KCTD1: variants seen among roughly 807,000 people sequenced by gnomAD.
The protein encoded by KCTD1 is potassium channel tetramerization domain containing 1, also known as BTB/POZ domain-containing protein KCTD1.
KCTD1 carries 24 observed loss-of-function variants against 66.0 expected under a neutral mutation model. That is an observed-to-expected ratio of 0.36 (90% CI 0.26 to 0.51). The LOEUF (loss-of-function observed/expected upper bound fraction) is 0.51. KCTD1 is among the 20% of genes least tolerant of loss of function. The probability of loss-of-function intolerance (pLI) is 0.95; values close to 1 mark genes in which losing one functional copy is unlikely to be tolerated. For synonymous variants in KCTD1, 511 were observed against 517.2 expected, an observed-to-expected ratio of 0.99 and a Z score of 0.16; for missense variants, 943 against 1,205.2, an observed-to-expected ratio of 0.78 and a Z score of 3.22.
intron 1 of KCTD1, among the ~76,000 whole-genome samples, chr18:26,636,001 G>A (rs561815882): frequency 6.6e-6 from 1 of 152,180 alleles, no homozygotes; most frequent in African/African-American, 2.4e-5. Context: ...GGGTGTGGGA[G>A]GGGTTGTTAT....
In KCTD1 at chr18:26,547,731, T is replaced by C; in HGVS notation, c.806A>G (p.Lys269Arg). 1.9e-6 allele frequency: 3 copies of C among 1,547,062 alleles called. No homozygotes were observed. The highest frequency in any genetic ancestry group is 2.6e-6 in the Non-Finnish European group (3 of 1,146,718). Residue 269 changes from lysine to arginine, a missense_variant, in exon 1 of 5, where the codon AAG (lysine) becomes AGG (arginine). By Grantham distance (26) the Lys-to-Arg change is conservative (BLOSUM62 2). Coordinates refer to ENST00000580059, the MANE Select transcript of KCTD1 (RefSeq NM_001142730.3). ...ANLTLAAVIR[K>R]LEEQGAGPVV... ...CGGCCCGGCGCCCTGCTCCTCGAGC[T>C]TGCGGATGACCGCGGCCAGCGTCAG...
At chr18:26,639,175 C>T (rs1283351314) in intron 1 of KCTD1, among the ~76,000 whole-genome samples, 1 of 152,156 alleles carries the variant, frequency 6.6e-6, no homozygotes, top group Non-Finnish European at 1.5e-5. Context: ...ACAGGGGTCT[C>T]ATTGAGCAGT....
At chr18:26,486,058 C>T (rs988756785) in intron 2 of KCTD1, among the ~76,000 whole-genome samples, 1 of 151,546 alleles carries the variant, frequency 6.6e-6, no homozygotes, top group African/African-American at 2.4e-5. Flanking sequence ...AGATTACAGG[C>T]GTGCGCCACT....
Position 26,546,742 on chromosome 18 carries a change from C to A in KCTD1, c.1795G>T (p.Val599Phe). The change falls in exon 1 of 5, where the codon GTT becomes TTT. Residue 599 changes from valine (V) to phenylalanine (F), a missense_variant. By Grantham distance (50) the Val-to-Phe change is conservative. Transcript: ENST00000580059. ...GGTTTGGTTACCTGGGTGGGGGAAA[C>A]AATAGCAGGTGAAACTATTGTGGGA... ...NSPTIVSPAI[V>F]SPTQDSRPNM... 1 of 1,548,956 alleles carries A rather than the reference C, an allele frequency of 6.5e-7. No individual in the cohort carries two copies. Among genetic ancestry groups the A allele is most frequent in the Non-Finnish European group, 8.7e-7 (1 of 1,146,022 alleles).
chr18:26,595,003 C>G (rs1986734467), intron 1 of KCTD1, among the ~76,000 whole-genome samples: 1 of 152,074 alleles, frequency 6.6e-6, no homozygotes, highest in Non-Finnish European at 1.5e-5. Flanking sequence ...CCTCCCCTCT[C>G]CCTCTCCCAC....
At chr18:26,577,867 T>C (rs887334754) in intron 1 of KCTD1, among the ~76,000 whole-genome samples, 1 of 152,028 alleles carries the variant, frequency 6.6e-6, no homozygotes, top group East Asian at 1.9e-4. Context: ...AACCAGCATG[T>C]GTGGCTGAGC....
intron 1 of KCTD1, among the ~76,000 whole-genome samples, chr18:26,557,443 TGTTA>T (rs1247525900): frequency 6.6e-6 from 1 of 152,194 alleles, no homozygotes; most frequent in African/African-American, 2.4e-5. Flanking sequence ...TTCCTAGAAT[TGTTA>T]GTTTTTAGAT....
intron 2 of KCTD1, among the ~76,000 whole-genome samples, chr18:26,496,551 T>C (rs902540946): frequency 2.0e-5 from 3 of 152,112 alleles, no homozygotes; most frequent in Non-Finnish European, 2.9e-5. Context: ...TACATACACA[T>C]TGGTTAAGAA....
intron 3 of KCTD1, among the ~76,000 whole-genome samples, chr18:26,463,392 A>C (rs1310943407): frequency 6.6e-6 from 1 of 151,990 alleles, no homozygotes; most frequent in Non-Finnish European, 1.5e-5. Flanking sequence ...ACTCCAGCCT[A>C]GGAGACCGAG....
intron 3 of KCTD1, among the ~76,000 whole-genome samples, chr18:26,473,813 T>C (rs1158169508): frequency 6.6e-6 from 1 of 152,200 alleles, no homozygotes; most frequent in Non-Finnish European, 1.5e-5. Context: ...TTCCTCAGGC[T>C]CATTCCAGGG....
intron 1 of KCTD1, among the ~76,000 whole-genome samples, chr18:26,569,584 G>A (rs1021969955): frequency 1.1e-4 from 17 of 152,096 alleles, no homozygotes; most frequent in African/African-American, 3.9e-4. Flanking sequence ...GTGGGGGGTG[G>A]GGGGTGCGGG....
chr18:26,625,164 T>G (rs1417988715), intron 1 of KCTD1, among the ~76,000 whole-genome samples: 1 of 152,212 alleles, frequency 6.6e-6, no homozygotes, highest in Non-Finnish European at 1.5e-5. Flanking sequence ...GGACTTGCCT[T>G]GTCTCAGATG....
intron 1 of KCTD1, among the ~76,000 whole-genome samples, chr18:26,594,166 T>C (rs1986713749): frequency 6.6e-6 from 1 of 152,172 alleles, no homozygotes; most frequent in Non-Finnish European, 1.5e-5. Flanking sequence ...TTCTACTCCA[T>C]GGTCTAGAAG....
chr18:26,617,242 G>C (rs1283625647), intron 1 of KCTD1, among the ~76,000 whole-genome samples: 2 of 152,142 alleles, frequency 1.3e-5, no homozygotes, highest in East Asian at 1.9e-4. Context: ...CAAAAACACT[G>C]CTCAAAAAAC....
intron 1 of KCTD1, among the ~76,000 whole-genome samples, chr18:26,636,449 C>T (rs747713097): frequency 6.6e-6 from 1 of 152,190 alleles, no homozygotes. Flanking sequence ...TTTCTAGGTC[C>T]TTCCCTGCTG....
At chr18:26,560,703 T>G (rs923573676) in intron 1 of KCTD1, among the ~76,000 whole-genome samples, 9 of 152,248 alleles carry the variant, frequency 5.9e-5, no homozygotes, top group African/African-American at 2.2e-4. Context: ...TGCAAAATGT[T>G]CTGTATATGT....
chr18:26,558,965 A>G (rs1045742015), intron 1 of KCTD1, among the ~76,000 whole-genome samples: 1 of 151,988 alleles, frequency 6.6e-6, no homozygotes, highest in Non-Finnish European at 1.5e-5. Flanking sequence ...AAAGAAAAGA[A>G]TGAGATCCTG....
intron 1 of KCTD1, among the ~76,000 whole-genome samples, chr18:26,521,826 G>A (rs1983927282): frequency 6.6e-6 from 1 of 152,134 alleles, no homozygotes; most frequent in South Asian, 2.1e-4. Flanking sequence ...GACATGGGAG[G>A]GGAGCTGCTG....
At chr18:26,463,490 TACTC>T (rs1315523054) in intron 3 of KCTD1, among the ~76,000 whole-genome samples, 1 of 151,970 alleles carries the variant, frequency 6.6e-6, no homozygotes, top group Non-Finnish European at 1.5e-5. Flanking sequence ...GGAAATCAGT[TACTC>T]ACAGACCTAT....
Sources: gnomAD v4.1 joint callset for allele counts (sites outside exome capture counted in the v4.1 genomes callset) on GRCh38, gnomAD v4.1.1 for gene constraint, MANE v1.5 for transcripts, NCBI Gene and HGNC (gene_info 2026-07-23, HGNC 2026-07-21) for gene names.